The following AZIN1 variants were observed in gnomAD, a reference collection of about 807,000 sequenced individuals.
AZIN1 encodes ornithine decarboxylase antizyme inhibitor.
AZIN1 carries 12 observed loss-of-function variants against 47.4 expected under a neutral mutation model. That is an observed-to-expected ratio of 0.25 (90% confidence interval 0.16 to 0.41). The LOEUF (loss-of-function observed/expected upper bound fraction) is 0.41, where lower values mean the gene tolerates loss of function less well. AZIN1 is among the 10% of genes least tolerant of loss of function. AZIN1 has a pLI of 1.00. For synonymous variants in AZIN1, 155 were observed against 176.3 expected (o/e 0.88, Z 0.96); for missense variants, 410 against 532.4 (o/e 0.77, Z 2.26).
chr8:102,839,228 G>A (rs887088951), intron 4 of AZIN1, among the ~76,000 whole-genome samples: 1 of 152,076 alleles, frequency 6.6e-6, no homozygotes, highest in Admixed American at 6.6e-5. Flanking sequence ...TGTTGCCCAG[G>A]CTGATCCTAA....
chr8:102,854,624 A>AT (rs1400631878), intron 2 of AZIN1: 11 of 126,176 alleles, frequency 8.7e-5, no homozygotes, highest in East Asian at 4.2e-4. Flanking sequence ...ATATATATAT[A>AT]TATTTTTTTT....
Position 102,843,674 on chromosome 8 carries a change from C to T in AZIN1, c.-22G>A, listed in dbSNP as rs750162350. 7.4e-6 allele frequency: 12 copies of T among 1,613,264 alleles called. No individual in the cohort carries two copies. The highest frequency in any genetic ancestry group is 5.3e-5 in the African/African-American group (4 of 74,860). On this transcript the variant is annotated 5_prime_UTR_variant, in exon 3 of 12. Transcript: ENST00000337198. ...TCATCTCAGCCGTATTCCACAAAGC[C>T]GAAAGTCATAAACCAGGAAAGACAA...
intron 5 of AZIN1, among the ~76,000 whole-genome samples, chr8:102,837,675 C>T (rs376808883): frequency 1.4e-4 from 22 of 152,244 alleles, no homozygotes; most frequent in African/African-American, 5.3e-4. Flanking sequence ...AGAATTTTCC[C>T]AACAAGGCTT....
At chr8:102,843,968 C>G (rs536659460) in intron 2 of AZIN1, among the ~76,000 whole-genome samples, 1 of 152,290 alleles carries the variant, frequency 6.6e-6, no homozygotes, top group Admixed American at 6.5e-5. Context: ...GAAGGGGTAA[C>G]TCACATATAT....
At chr8:102,848,157 G>A (rs1209203259) in intron 2 of AZIN1, among the ~76,000 whole-genome samples, 1 of 152,064 alleles carries the variant, frequency 6.6e-6, no homozygotes, top group Non-Finnish European at 1.5e-5. Context: ...TACAGCTTGG[G>A]TGTGTCGTAG....
intron 2 of AZIN1, among the ~76,000 whole-genome samples, chr8:102,851,728 T>C (rs1812931433): frequency 6.6e-6 from 1 of 152,116 alleles, no homozygotes; most frequent in Non-Finnish European, 1.5e-5. Flanking sequence ...AAATAAGATG[T>C]AATATCTCAG....
chr8:102,855,690 A>T (rs1448765589), intron 2 of AZIN1: 1 of 152,222 alleles, frequency 6.6e-6, no homozygotes, highest in African/African-American at 2.4e-5. Context: ...TGGGCCAAAT[A>T]ATTTCCATGA....
At chr8:102,848,650 C>T (rs1456346490) in intron 2 of AZIN1, among the ~76,000 whole-genome samples, 1 of 152,104 alleles carries the variant, frequency 6.6e-6, no homozygotes, top group Non-Finnish European at 1.5e-5. Context: ...AGGTAGGTTG[C>T]TTGAGTCTTT....
chr8:102,838,827 A>G lies in AZIN1; in HGVS notation c.366T>C (p.Tyr122=), dbSNP rs898103027. The change falls in exon 5 of 12, where the codon TAT becomes TAC. Residue 122 remains tyrosine, a synonymous_variant. Coordinates refer to ENST00000337198, the MANE Select transcript of AZIN1 (RefSeq NM_148174.4). ...GGATATTCACTCCAACTTTTGCTGC[A>G]TACTTTATCTGAGACACTTGCTTGC... ...SPCKQVSQIK[Y]AAKVGVNILT... is the part of the protein sequence containing the mutation. The G allele has an allele frequency of 3.1e-6, 5 of 1,613,928 alleles. No individual in the cohort carries two copies. The Admixed American group carries it at 5.0e-5, about 16-fold the overall frequency.
intron 1 of AZIN1, among the ~76,000 whole-genome samples, chr8:102,863,058 T>C (rs1813821256): frequency 6.6e-6 from 1 of 151,858 alleles, no homozygotes; most frequent in Admixed American, 6.5e-5. Context: ...CTGGGGTGAG[T>C]GAAGGCGACT....
intron 2 of AZIN1, chr8:102,854,631 T>C (rs1390127193): frequency 6.8e-6 from 1 of 147,846 alleles, no homozygotes; most frequent in Non-Finnish European, 1.5e-5. Context: ...TATATATTTT[T>C]TTTCCCTAGT....
chr8:102,843,079 C>T (rs1430323800), intron 3 of AZIN1, among the ~76,000 whole-genome samples: 3 of 151,476 alleles, frequency 2.0e-5, no homozygotes, highest in Non-Finnish European at 2.9e-5. Flanking sequence ...TGGTGGTGTG[C>T]GCCTGTAATT....
intron 3 of AZIN1, among the ~76,000 whole-genome samples, chr8:102,842,820 T>C (rs920198724): frequency 7.9e-5 from 12 of 151,692 alleles, no homozygotes; most frequent in Admixed American, 7.2e-4. Flanking sequence ...CCTAAATCAA[T>C]TGCTTGAACG....
At position 102,828,686 on chromosome 8, in the gene AZIN1, GA is replaced by G. The variant is rs754484585; in HGVS notation, c.1236-9del. 1.1e-5 allele frequency: 17 copies of G among 1,574,462 alleles called. No individual in the cohort carries two copies. Among genetic ancestry groups the G allele is most frequent in the African/African-American group, 1.4e-5 (1 of 73,870 alleles). ...GCATCTTGCATCTCATACCTACGTA[GA>G]AAAAAAATCAGCTAAATTCTCAGTT... On this transcript the variant is annotated splice_polypyrimidine_tract_variant and intron_variant, in intron 11 of 11. Transcript: ENST00000337198.
At chr8:102,854,131 G>T (rs1813109371) in intron 2 of AZIN1, among the ~76,000 whole-genome samples, 1 of 151,894 alleles carries the variant, frequency 6.6e-6, no homozygotes, top group African/African-American at 2.4e-5. Flanking sequence ...TAGAGACAAG[G>T]TTTCACCATA....
chr8:102,856,085 TTTTTTTTG>T (rs1214606284), intron 2 of AZIN1: 1 of 115,092 alleles, frequency 8.7e-6, no homozygotes, highest in Non-Finnish European at 1.9e-5. Flanking sequence ...CCAGGTCAAG[TTTTTTTTG>T]TTTTTTTTTT....
intron 2 of AZIN1, among the ~76,000 whole-genome samples, chr8:102,846,886 T>C (rs775445246): frequency 2.0e-5 from 3 of 152,212 alleles, no homozygotes; most frequent in Non-Finnish European, 4.4e-5. Context: ...CTTGTCACTA[T>C]AAATTAAGAC....
intron 10 of AZIN1, 69 bp from the exon 11 acceptor site, chr8:102,829,555 A>C (rs1811305424): frequency 7.3e-7 from 1 of 1,379,102 alleles, no homozygotes; most frequent in Admixed American, 2.0e-5. Context: ...TGAGTAAATA[A>C]GTATTTTCAC....
At chr8:102,832,402 G>GT (rs1335048059) in intron 9 of AZIN1, among the ~76,000 whole-genome samples, 1 of 152,088 alleles carries the variant, frequency 6.6e-6, no homozygotes, top group African/African-American at 2.4e-5. Context: ...CTTTTTGTTG[G>GT]TTTGACTTGA....
Sources: gnomAD v4.1 joint callset for allele counts (sites outside exome capture counted in the v4.1 genomes callset) on GRCh38, gnomAD v4.1.1 for gene constraint, MANE v1.5 for transcripts, NCBI Gene and HGNC (gene_info 2026-07-23, HGNC 2026-07-21) for gene names.